The following FAM98A variants were observed in gnomAD, a reference collection of about 807,000 sequenced individuals.
The protein encoded by FAM98A is tRNA splicing ligase complex subunit 3A.
In FAM98A, 25 loss-of-function variants were observed where a neutral mutation model predicts 62.9. The observed-to-expected ratio is 0.40, with a 90% CI of 0.29 to 0.56. The LOEUF is 0.56. FAM98A is among the 20% of genes least tolerant of loss of function. The probability of loss-of-function intolerance (pLI) is 0.51; values close to 1 mark genes in which losing one functional copy is unlikely to be tolerated. For missense variants in FAM98A, 653 were observed against 640.7 expected, an observed-to-expected ratio of 1.02 and a Z score of -0.21; for synonymous variants, 252 against 228.6, an observed-to-expected ratio of 1.10 and a Z score of -0.92.
Position 33,585,663 on chromosome 2 carries a change from G to A in FAM98A, c.755C>T (p.Pro252Leu), listed in dbSNP as rs879140054. ...TTTAGGGGATAAGACTGAACGTTTCGGCTGGTAAACCTTGGCTAATTTTTC... is the reference window on the plus strand; with the variant it reads ...TTTAGGGGATAAGACTGAACGTTTCAGCTGGTAAACCTTGGCTAATTTTTC... ...QTEKLAKVYQ[P>L]KRSVLSPKTT... The change falls in exon 7 of 8, where the codon CCG becomes CTG. Residue 252 changes from proline (P) to leucine (L), a missense_variant. Physicochemically the swap from Pro to Leu is moderately conservative, Grantham distance 98. Transcript: ENST00000238823. The A allele has an allele frequency of 8.1e-6, 13 of 1,613,760 alleles. No individual in the cohort carries two copies. Among genetic ancestry groups the A allele is most frequent in the African/African-American group, 4.0e-5 (3 of 74,862 alleles).
At position 33,586,662 on chromosome 2, in the gene FAM98A, A is replaced by C; in HGVS notation, c.620T>G (p.Ile207Ser). ...GPAHWEKIEA[I>S]NQAIANEYEV... ...ATATTCATTGGCTATGGCTTGGTTA[A>C]TTGCTTCTATCTTTTCCTGAAGCAA... The change falls in exon 6 of 8, where the codon ATT becomes AGT. Residue 207 changes from isoleucine to serine, a missense_variant. Transcript: ENST00000238823. 6.2e-7 allele frequency: 1 copy of C among 1,611,348 alleles called. No individual in the cohort carries two copies. Among genetic ancestry groups the C allele is most frequent in the Middle Eastern group, 1.7e-4 (1 of 6,054 alleles).
chr2:33,593,123 G>T (rs895696335), intron 2 of FAM98A, among the ~76,000 whole-genome samples: 4 of 152,152 alleles, frequency 2.6e-5, no homozygotes, highest in Admixed American at 2.6e-4. Context: ...ACTGTACTTG[G>T]CCGGGCACGG....
At position 33,585,662 on chromosome 2, in the gene FAM98A, C is replaced by T. The variant is rs143653393; in HGVS notation, c.756G>A (p.Pro252=). ...QTEKLAKVYQ[P]KRSVLSPKTT... ...TTTTAGGGGATAAGACTGAACGTTT[C>T]GGCTGGTAAACCTTGGCTAATTTTT... Residue 252 remains proline (P), a synonymous_variant, in exon 7 of 8, where the codon CCG becomes CCA. Coordinates refer to ENST00000238823, the MANE Select transcript of FAM98A (RefSeq NM_015475.5). The T allele has an allele frequency of 2.9e-4, 473 of 1,613,750 alleles. No homozygotes were observed. Among genetic ancestry groups the T allele is most frequent in the Non-Finnish European group, 3.8e-4 (446 of 1,179,928 alleles).
chr2:33,585,757 A>C (rs1050084529), intron 6 of FAM98A, 60 bp from the exon 7 acceptor site: 5 of 1,475,468 alleles, frequency 3.4e-6, no homozygotes, highest in Non-Finnish European at 4.6e-6. Context: ...TAAGAAACAC[A>C]TATTAAATAA....
At position 33,585,070 on chromosome 2, in the gene FAM98A, T is replaced by C. The variant is rs923127811; in HGVS notation, c.1263A>G (p.Gly421=). The part of the protein sequence containing the change: ...GGHSSGGYQG[G]GYGGFQTSSS... ...AAGATGTTTGGAAGCCACCATAACCTCCGCCTTGATAGCCACCACTGCTGT... is the reference window on the plus strand; with the variant it reads ...AAGATGTTTGGAAGCCACCATAACCCCCGCCTTGATAGCCACCACTGCTGT... Residue 421 remains glycine (G), a synonymous_variant, in exon 8 of 8, where the codon GGA becomes GGG. Coordinates refer to ENST00000238823, the MANE Select transcript of FAM98A (RefSeq NM_015475.5). 6.2e-7 allele frequency: 1 copy of C among 1,614,096 alleles called. No homozygotes were observed. Among genetic ancestry groups the C allele is most frequent in the East Asian group, 2.2e-5 (1 of 44,880 alleles).
chr2:33,590,405 A>G (rs1314166967), intron 3 of FAM98A, among the ~76,000 whole-genome samples: 1 of 152,176 alleles, frequency 6.6e-6, no homozygotes, highest in Non-Finnish European at 1.5e-5. Flanking sequence ...GGTGCTGGAA[A>G]AGTAAAATTA....
In FAM98A at chr2:33,586,580, G is replaced by C. The variant is rs1183214963; in HGVS notation, c.702C>G (p.Gly234=). The C allele has an allele frequency of 6.2e-7, 1 of 1,607,318 alleles. No individual in the cohort carries two copies. Among genetic ancestry groups the C allele is most frequent in the South Asian group, 1.1e-5 (1 of 90,946 alleles). ...KRLDVTVQSF[G]WSDRAKSQTE... is the part of the protein sequence containing the mutation. ...TGTGTACCTTAGCTCTGTCAGACCA[G>C]CCAAAGGATTGTACAGTGACATCCA... The change falls in exon 6 of 8, where the codon GGC becomes GGG. Residue 234 remains glycine (G), a synonymous_variant. Coordinates refer to ENST00000238823, the MANE Select transcript of FAM98A (RefSeq NM_015475.5).
chr2:33,588,557 G>C, intron 3 of FAM98A, 38 bp from the exon 4 acceptor site: 3 of 1,555,510 alleles, frequency 1.9e-6, no homozygotes, highest in Non-Finnish European at 2.6e-6. Context: ...ATGAGATACA[G>C]CTATAGTTAT....
intron 4 of FAM98A, 44 bp downstream of exon 4, chr2:33,588,291 G>T: frequency 7.1e-7 from 1 of 1,409,384 alleles, no homozygotes; most frequent in East Asian, 2.3e-5. Flanking sequence ...ACAAATGTAG[G>T]ACTATGCCTT....
At chr2:33,597,880 A>G (rs571298059) in intron 1 of FAM98A, among the ~76,000 whole-genome samples, 370 of 152,308 alleles carry the variant, frequency 2.4e-3, no homozygotes, top group African/African-American at 8.6e-3. Context: ...CACTGCCACA[A>G]AGAAACTGTT....
chr2:33,594,927 T>C (rs1392196885), intron 2 of FAM98A, among the ~76,000 whole-genome samples: 1 of 152,122 alleles, frequency 6.6e-6, no homozygotes, highest in Non-Finnish European at 1.5e-5. Flanking sequence ...GACAAACTAG[T>C]GCAACAGTGG....
intron 6 of FAM98A, 46 bp downstream of exon 6, chr2:33,586,516 A>G: frequency 8.0e-7 from 1 of 1,250,312 alleles, no homozygotes; most frequent in South Asian, 1.2e-5. Context: ...ATGTTCAGGG[A>G]TCATGTCTAT....
Position 33,591,386 on chromosome 2 carries a change from A to G in FAM98A, c.337+694T>C, listed in dbSNP as rs1305422584. The stretch of plus-strand genomic sequence containing the variant: ...GCTACATAAATTCTGAGTTAAGACT[A>G]TAGGTTGTATTTATTGGAAAGTTTA... On this transcript the variant is annotated intron_variant, in intron 3 of 7. Coordinates refer to ENST00000238823, the MANE Select transcript of FAM98A (RefSeq NM_015475.5). Among the ~76,000 whole-genome samples the G allele has an allele frequency of 2.6e-5, 4 of 152,226 alleles. No individual in the cohort carries two copies. The East Asian group carries it at 7.7e-4, about 29-fold the overall frequency.
rs560508296 is a variant in FAM98A, at chr2:33,587,997, T to C, written c.522+338A>G. The C allele has an allele frequency of 1.0e-3, 283 of 280,166 alleles. 1 individual carries two copies. Among genetic ancestry groups the C allele is most frequent in the Non-Finnish European group, 1.6e-3 (221 of 137,722 alleles). The allele number at this position is 280,166 out of a possible 1,614,324, so 17.4% of individuals were successfully genotyped here. A position where few individuals can be genotyped will look rare whatever the true frequency, so the allele number is the denominator to read the frequency against. On this transcript the variant is annotated intron_variant, in intron 4 of 7. Transcript: ENST00000238823. ...GTGGTAACATTTAGTGATAAAGAAC[T>C]TAAATTGACTGTATCAAAGTTCAAT...
chr2:33,594,032 C>T (rs1677733811), intron 2 of FAM98A, among the ~76,000 whole-genome samples: 1 of 152,110 alleles, frequency 6.6e-6, no homozygotes, highest in African/African-American at 2.4e-5. Context: ...AGGCTTCACC[C>T]CTACAGGTTG....
chr2:33,594,688 T>C (rs1334029152), intron 2 of FAM98A, among the ~76,000 whole-genome samples: 1 of 13,916 alleles, frequency 7.2e-5, no homozygotes, highest in East Asian at 6.5e-4. Context: ...TACACACATA[T>C]ATATACACAT....
rs151046715 is a variant in FAM98A at position 33,586,621 on chromosome 2, G to A, written c.661C>T (p.Leu221=). 8 of 1,613,770 alleles carry A rather than the reference G, an allele frequency of 5.0e-6. No individual in the cohort carries two copies. Among genetic ancestry groups the A allele is most frequent in the African/African-American group, 4.0e-5 (3 of 74,922 alleles). Residue 221 remains leucine (L), a synonymous_variant, in exon 6 of 8, where the codon CTG becomes TTG. Coordinates refer to ENST00000238823, the MANE Select transcript of FAM98A (RefSeq NM_015475.5). ...GTGACATCCAAACGTTTTATTAGCA[G>A]CTTTCTCCGGACTTCATATTCATTG... The part of the protein sequence containing the change: ...IANEYEVRRK[L]LIKRLDVTVQ...
chr2:33,591,804 C>A, intron 3 of FAM98A: 1 of 258,570 alleles, frequency 3.9e-6, no homozygotes, highest in South Asian at 1.2e-4. Flanking sequence ...GAGCAACACT[C>A]CAAAACTACC....
chr2:33,587,405 A>G, intron 4 of FAM98A, 85 bp from the exon 5 acceptor site: 1 of 1,055,546 alleles, frequency 9.5e-7, no homozygotes, highest in Non-Finnish European at 1.5e-6. Context: ...TCTTGCCATC[A>G]AAAGAAGATT....
Sources: gnomAD v4.1 joint callset for allele counts (sites outside exome capture counted in the v4.1 genomes callset) on GRCh38, gnomAD v4.1.1 for gene constraint, MANE v1.5 for transcripts, NCBI Gene and HGNC (gene_info 2026-07-23, HGNC 2026-07-21) for gene names.